Variants in SDK2 observed in about 807,000 individuals in gnomAD.
The protein encoded by SDK2 is sidekick cell adhesion molecule 2.
A neutral mutation model predicts 253.9 loss-of-function variants in SDK2; 105 were observed. The ratio of observed to expected loss-of-function variants is 0.41; its 90% confidence interval spans 0.35 to 0.49. The LOEUF is 0.49. Among genes scored for constraint, SDK2 ranks in the 20% least tolerant of loss-of-function variants. The probability of loss-of-function intolerance (pLI) is 0.06; values close to 1 mark genes in which losing one functional copy is unlikely to be tolerated. For synonymous variants in SDK2, 1,249 were observed against 1,234.9 expected (o/e 1.01, Z -0.24); for missense variants, 2,608 against 3,003.0 (o/e 0.87, Z 3.07).
chr17:73,442,880 C>CT (rs35336754), intron 5 of SDK2, among the ~76,000 whole-genome samples: 78,443 of 149,138 alleles, frequency 0.53, 20,863 homozygotes, highest in Non-Finnish European at 0.53. Flanking sequence ...GTAGCAATTC[C>CT]TTTTTTTTAT....
Position 73,643,983 on chromosome 17 carries a change from T to TC in SDK2, c.64+41dup. Reference sequence around the variant, plus strand: ...CCCGCCGCCCCTCCCCCGCCCACTCTCCCAGCCCCCTCCCTGTCCCCACGT... The same window carrying TC: ...CCCGCCGCCCCTCCCCCGCCCACTCTCCCCAGCCCCCTCCCTGTCCCCACGT... On this transcript the variant is annotated intron_variant, in intron 1 of 44. Transcript: ENST00000392650. This position sits in a 1 kb window ranked among gnomAD's most constrained non-coding sequence, Gnocchi z 6.9. 1.3e-5 allele frequency: 7 copies of TC among 530,724 alleles called. No homozygotes were observed. The highest frequency in any genetic ancestry group is 6.6e-5 in the South Asian group (4 of 60,844). 32.9% of individuals were successfully genotyped at this position (530,724 alleles called of 1,614,324 possible). A position where few individuals can be genotyped will look rare whatever the true frequency, so the allele number is the denominator to read the frequency against.
At position 73,548,957 on chromosome 17, in the gene SDK2, C is replaced by T. The variant is rs116166753; in HGVS notation, c.65-41360G>A. Among the ~76,000 whole-genome samples the T allele has an allele frequency of 9.8e-3, 1,499 of 152,318 alleles. 23 individuals carry two copies. Among genetic ancestry groups the T allele is most frequent in the African/African-American group, 0.033 (1,389 of 41,568 alleles). On this transcript the variant is annotated intron_variant, in intron 1 of 44. Coordinates refer to ENST00000392650, the MANE Select transcript of SDK2 (RefSeq NM_001144952.2). ...AGCCGCTGAAGCTGTCAGCTCTCTC[C>T]TTCTCAGCACCACTCAGAGTCTCAA...
chr17:73,507,227 G>A (rs2063942920), intron 2 of SDK2, among the ~76,000 whole-genome samples: 1 of 152,202 alleles, frequency 6.6e-6, no homozygotes, highest in Non-Finnish European at 1.5e-5. Flanking sequence ...GCTGGCCCCT[G>A]GTCCACAACC....
rs947231852 is a variant in SDK2 at position 73,423,444 on chromosome 17, G to A, written c.1839C>T (p.Thr613=). The A allele has an allele frequency of 6.3e-7, 1 of 1,583,676 alleles. No homozygotes were observed. Among genetic ancestry groups the A allele is most frequent in the Non-Finnish European group, 8.6e-7 (1 of 1,162,528 alleles). ...VERRAINLTW[T]KPFDGNSPLI... is the part of the protein sequence containing the mutation. Reference sequence around the variant, plus strand: ...GGGGGCTGTTGCCATCAAAGGGCTTGGTCCACGTCAGGTTGATGGCTCGCC... The same window carrying A: ...GGGGGCTGTTGCCATCAAAGGGCTTAGTCCACGTCAGGTTGATGGCTCGCC... The change falls in exon 14 of 45, where the codon ACC becomes ACT. Residue 613 remains threonine, a synonymous_variant. Transcript: ENST00000392650.
intron 1 of SDK2, among the ~76,000 whole-genome samples, chr17:73,628,867 C>G (rs1443543178): frequency 6.6e-6 from 1 of 152,202 alleles, no homozygotes; most frequent in Non-Finnish European, 1.5e-5. Flanking sequence ...CCCCCTCCCA[C>G]CCCTGGCAAA....
intron 2 of SDK2, among the ~76,000 whole-genome samples, chr17:73,498,335 C>T (rs530281670): frequency 1.2e-4 from 18 of 152,358 alleles, no homozygotes; most frequent in Middle Eastern, 3.4e-3. Context: ...GAAACTCCCA[C>T]GCTCACTTGG....
At chr17:73,433,979 C>T (rs534319878) in intron 9 of SDK2, 131 bp from the exon 10 acceptor site, 59 of 627,678 alleles carry the variant, frequency 9.4e-5, no homozygotes, top group Non-Finnish European at 8.4e-5. Flanking sequence ...GGGCCCTCCA[C>T]GAGGAAGGAT....
chr17:73,586,397 C>T (rs960879086), intron 1 of SDK2, among the ~76,000 whole-genome samples: 25 of 152,188 alleles, frequency 1.6e-4, no homozygotes, highest in African/African-American at 4.3e-4. Context: ...CCCTCTCCCC[C>T]TCGCTGAGAC....
chr17:73,472,104 G>A lies in SDK2; in HGVS notation c.331+8C>T, dbSNP rs1175084681. 6.5e-7 allele frequency: 1 copy of A among 1,547,374 alleles called. No individual in the cohort carries two copies. Among genetic ancestry groups the A allele is most frequent in the Non-Finnish European group, 8.7e-7 (1 of 1,143,504 alleles). ...CCCCCCCTGCCCCTGGGTCCCCATT[G>A]TACTCACAGGCCACCTGGACCTCGG... On this transcript the variant is annotated splice_region_variant and intron_variant, in intron 3 of 44. Coordinates refer to ENST00000392650, the MANE Select transcript of SDK2 (RefSeq NM_001144952.2).
intron 32 of SDK2, 101 bp downstream of exon 32, chr17:73,385,746 T>G: frequency 1.8e-6 from 2 of 1,100,462 alleles, no homozygotes; most frequent in Non-Finnish European, 1.4e-6. Context: ...GGCAGAGAAC[T>G]TGGGGGCTCC....
At chr17:73,483,625 GTATATGTA>G (rs2063745759) in intron 2 of SDK2, among the ~76,000 whole-genome samples, 5 of 107,446 alleles carry the variant, frequency 4.7e-5, no homozygotes, top group Admixed American at 2.1e-4. Context: ...GTATATATAT[GTATATGTA>G]TATATATATG....
chr17:73,466,375 A>G (rs909705183), intron 3 of SDK2, among the ~76,000 whole-genome samples: 1 of 152,214 alleles, frequency 6.6e-6, no homozygotes, highest in Non-Finnish European at 1.5e-5. Flanking sequence ...GTCCGTACTC[A>G]TGGTAGCATC....
chr17:73,408,445 C>T (rs1057443998), intron 18 of SDK2, among the ~76,000 whole-genome samples: 2 of 151,810 alleles, frequency 1.3e-5, no homozygotes, highest in African/African-American at 4.8e-5. Flanking sequence ...AGGATGGTCT[C>T]GATCTCCTGA....
intron 30 of SDK2, among the ~76,000 whole-genome samples, chr17:73,387,385 G>A (rs1317771983): frequency 6.6e-6 from 1 of 152,102 alleles, no homozygotes; most frequent in African/African-American, 2.4e-5. Flanking sequence ...TGGGGGGTGG[G>A]AGAGGTGGGG....
intron 22 of SDK2, among the ~76,000 whole-genome samples, chr17:73,398,644 T>A (rs2062992855): frequency 6.6e-6 from 1 of 152,212 alleles, no homozygotes; most frequent in African/African-American, 2.4e-5. Flanking sequence ...ATGCTTGTGA[T>A]CAATATATTC....
In SDK2 at chr17:73,401,107, T is replaced by TGA. The variant is rs1183285365; in HGVS notation, c.2882_2883dup (p.Thr962SerfsTer11). ...GCGGCCACCTCGATGGTGTAGGTGG[T>TGA]GAGCGCGGTGAGGCCCGTGACACGG... On this transcript the variant is annotated frameshift_variant, in exon 21 of 45. Transcript: ENST00000392650. LOFTEE classifies it high-confidence loss of function. 1 of 1,564,604 alleles carries TGA rather than the reference T, an allele frequency of 6.4e-7. No homozygotes were observed. The highest frequency in any genetic ancestry group is 8.7e-7 in the Non-Finnish European group (1 of 1,154,604).
At chr17:73,432,676 G>A (rs2063334932) in intron 10 of SDK2, among the ~76,000 whole-genome samples, 1 of 152,058 alleles carries the variant, frequency 6.6e-6, no homozygotes, top group Admixed American at 6.5e-5. Context: ...TAGGGCTGGA[G>A]GGGAGGGCTG....
At chr17:73,549,257 C>CT (rs2045017348) in intron 1 of SDK2, among the ~76,000 whole-genome samples, 1 of 152,214 alleles carries the variant, frequency 6.6e-6, no homozygotes, top group African/African-American at 2.4e-5. Flanking sequence ...GCAATTGCCT[C>CT]CTCCTGGCAG....
rs1024397453 is a variant in SDK2, at chr17:73,336,574, T to C, written c.*2013A>G. 2 of 152,720 alleles carry C rather than the reference T, an allele frequency of 1.3e-5. No homozygotes were observed. Among genetic ancestry groups the C allele is most frequent in the Admixed American group, 6.5e-5 (1 of 15,286 alleles). The allele number at this position is 152,720 out of a possible 1,614,324, so 9.5% of individuals were successfully genotyped here. On this transcript the variant is annotated 3_prime_UTR_variant, in exon 45 of 45. Transcript: ENST00000392650. ...GCTTCAGGAAAAACTCATGGCTGGG[T>C]GTGCCCGTTCTTTGGGCCCCAGACC...
Sources: allele counts gnomAD v4.1 joint callset (sites outside exome capture counted in the v4.1 genomes callset), GRCh38; gene constraint gnomAD v4.1.1; non-coding constraint Gnocchi (gnomAD v3.1); transcripts MANE v1.5; gene names NCBI Gene and HGNC (gene_info 2026-07-23, HGNC 2026-07-21).